The following CDH4 variants were observed in gnomAD, a reference collection of about 807,000 sequenced individuals.
CDH4 encodes the protein cadherin-4.
Under a neutral mutation model 86.0 loss-of-function variants are expected in CDH4, and 33 were observed. The ratio of observed to expected loss-of-function variants is 0.38; its 90% CI spans 0.29 to 0.51. The LOEUF is 0.51. Among genes scored for constraint, CDH4 ranks in the 20% least tolerant of loss-of-function variants. The pLI, the probability that CDH4 is intolerant of heterozygous loss-of-function variation, is 0.86. For synonymous variants in CDH4, 555 were observed against 549.4 expected (o/e 1.01, Z -0.14); for missense variants, 1,114 against 1,307.4 (o/e 0.85, Z 2.28).
chr20:61,818,177 A>G (rs1375870720), intron 4 of CDH4, among the ~76,000 whole-genome samples: 1 of 152,136 alleles, frequency 6.6e-6, no homozygotes, highest in Non-Finnish European at 1.5e-5. Flanking sequence ...CTATAGGTAC[A>G]CACCACTACG....
At chr20:61,591,452 G>T (rs2086518739) in intron 2 of CDH4, among the ~76,000 whole-genome samples, 1 of 151,956 alleles carries the variant, frequency 6.6e-6, no homozygotes, top group African/African-American at 2.4e-5. Flanking sequence ...GGTTCTCTGG[G>T]GTCTGCTTCT....
intron 5 of CDH4, among the ~76,000 whole-genome samples, chr20:61,848,862 G>C (rs1443588649): frequency 6.6e-6 from 1 of 152,140 alleles, no homozygotes; most frequent in Non-Finnish European, 1.5e-5. Flanking sequence ...CAGCCCTGAG[G>C]CTTCATGGTT....
intron 2 of CDH4, among the ~76,000 whole-genome samples, chr20:61,669,181 G>A (rs1260943658): frequency 6.6e-6 from 1 of 152,244 alleles, no homozygotes; most frequent in Non-Finnish European, 1.5e-5. Context: ...GGCATTCAGA[G>A]CACTATGGGA....
Position 61,663,956 on chromosome 20 carries a change from G to A in CDH4, c.170-79607G>A, listed in dbSNP as rs543632766. Among the ~76,000 whole-genome samples the A allele has an allele frequency of 8.5e-5, 13 of 152,322 alleles. No individual in the cohort carries two copies. Among genetic ancestry groups the A allele is most frequent in the East Asian group, 7.7e-4 (4 of 5,174 alleles). On this transcript the variant is annotated intron_variant, in intron 2 of 15. Transcript: ENST00000614565. This position sits in a 1 kb window ranked among gnomAD's most constrained non-coding sequence, Gnocchi z 5.0. ...TGTCCTCTGTCCAGCACCGGTCCAC[G>A]TTGAGGTGTCTGTGTGCCACCGGGA...
In CDH4 at chr20:61,579,979, C is replaced by A. The variant is rs2086413313; in HGVS notation, c.170-163584C>A. Among the ~76,000 whole-genome samples the A allele has an allele frequency of 2.0e-5, 3 of 152,178 alleles. No homozygotes were observed. In the South Asian group the frequency reaches 6.2e-4, roughly 32 times the overall value. On this transcript the variant is annotated intron_variant, in intron 2 of 15. Transcript: ENST00000614565. Reference sequence around the variant, plus strand: ...AAAAGCTGTAAAATAAACATCTGTGCACTTGAGGCGCATCCAGCACCTTCC... The same window carrying A: ...AAAAGCTGTAAAATAAACATCTGTGAACTTGAGGCGCATCCAGCACCTTCC...
intron 2 of CDH4, among the ~76,000 whole-genome samples, chr20:61,577,811 A>C (rs1459754736): frequency 6.6e-6 from 1 of 152,162 alleles, no homozygotes; most frequent in Non-Finnish European, 1.5e-5. Flanking sequence ...GCTCAATACC[A>C]AGACTATGTC....
chr20:61,461,604 G>T (rs1386021646), intron 2 of CDH4, among the ~76,000 whole-genome samples: 1 of 152,124 alleles, frequency 6.6e-6, no homozygotes, highest in Non-Finnish European at 1.5e-5. Context: ...ACGTGGGAGT[G>T]GGAGGGGAGG....
chr20:61,486,613 A>G (rs1416435975), intron 2 of CDH4, among the ~76,000 whole-genome samples: 1 of 152,236 alleles, frequency 6.6e-6, no homozygotes, highest in African/African-American at 2.4e-5. Context: ...ATTTTAGGCC[A>G]GGTACGATGG....
At chr20:61,621,210 C>T (rs1338751850) in intron 2 of CDH4, among the ~76,000 whole-genome samples, 1 of 152,126 alleles carries the variant, frequency 6.6e-6, no homozygotes, top group Admixed American at 6.5e-5. Context: ...TCCAATGGAC[C>T]GCGGTTCCGG....
intron 2 of CDH4, among the ~76,000 whole-genome samples, chr20:61,631,200 C>T (rs1364527836): frequency 1.3e-5 from 2 of 152,238 alleles, no homozygotes; most frequent in African/African-American, 4.8e-5. Flanking sequence ...GCCCCTGACT[C>T]TCCCACCGTG....
chr20:61,342,390 A>G (rs1011733564), intron 2 of CDH4, among the ~76,000 whole-genome samples: 1 of 152,186 alleles, frequency 6.6e-6, no homozygotes, highest in African/African-American at 2.4e-5. Flanking sequence ...TCCCATCTGG[A>G]GGTGATGGGA....
At position 61,684,939 on chromosome 20, in the gene CDH4, A is replaced by G. The variant is rs1568754495; in HGVS notation, c.170-58624A>G. On this transcript the variant is annotated intron_variant, in intron 2 of 15. Transcript: ENST00000614565. The surrounding 1 kb of genome is among the most constrained non-coding windows in gnomAD (Gnocchi z 4.5). ...TGAAATTCCCCTGTTTAAAGTGTAC[A>G]ATTCAATGGTCCTTAGTCAATTCAG... 7.2e-5 allele frequency among the ~76,000 whole-genome samples: 11 copies of G among 152,224 alleles called. No individual in the cohort carries two copies. Among genetic ancestry groups the G allele is most frequent in the Admixed American group, 6.5e-4 (10 of 15,288 alleles).
chr20:61,509,555 A>G (rs1568870418), intron 2 of CDH4, among the ~76,000 whole-genome samples: 1 of 150,690 alleles, frequency 6.6e-6, no homozygotes, highest in East Asian at 2.0e-4. Context: ...CTTCCCAGCC[A>G]CCTAGCAGCA....
rs2087511498 is a variant in CDH4, at chr20:61,681,407, A to AT, written c.170-62154dup. On this transcript the variant is annotated intron_variant, in intron 2 of 15. Transcript: ENST00000614565. The surrounding 1 kb of genome is among the most constrained non-coding windows in gnomAD (Gnocchi z 4.5). Reference sequence around the variant, plus strand: ...ATCACCCAAAAGGTGACAAAAATGGATTAGACAATCCTTGGAACTTTATAA... The same window carrying AT: ...ATCACCCAAAAGGTGACAAAAATGGATTTAGACAATCCTTGGAACTTTATAA... Among the ~76,000 whole-genome samples, 1 of 152,206 alleles carries AT rather than the reference A, an allele frequency of 6.6e-6. No homozygotes were observed. Among genetic ancestry groups the AT allele is most frequent in the Admixed American group, 6.5e-5 (1 of 15,278 alleles).
At chr20:61,926,536 G>T (rs2055046495) in intron 11 of CDH4, among the ~76,000 whole-genome samples, 1 of 152,180 alleles carries the variant, frequency 6.6e-6, no homozygotes, top group South Asian at 2.1e-4. Context: ...CCCCTTGAGG[G>T]TCCCCTGCCG....
chr20:61,329,670 C>G (rs2084560786), intron 2 of CDH4, among the ~76,000 whole-genome samples: 1 of 100,914 alleles, frequency 9.9e-6, no homozygotes, highest in Admixed American at 1.0e-4. Flanking sequence ...CCTGGATTGT[C>G]ACTTTAAAAA....
chr20:61,850,662 G>C (rs1158950698), intron 5 of CDH4, among the ~76,000 whole-genome samples: 1 of 152,252 alleles, frequency 6.6e-6, no homozygotes, highest in African/African-American at 2.4e-5. Context: ...GATGTTGCAG[G>C]AAATGCACTC....
intron 2 of CDH4, among the ~76,000 whole-genome samples, chr20:61,273,885 G>A (rs1430962285): frequency 6.7e-6 from 1 of 149,898 alleles, no homozygotes; most frequent in Non-Finnish European, 1.5e-5. Flanking sequence ...GTGCAGTTTG[G>A]GGGAGTACCA....
chr20:61,777,394 C>T (rs555729231), intron 4 of CDH4, among the ~76,000 whole-genome samples: 42 of 152,362 alleles, frequency 2.8e-4, no homozygotes, highest in African/African-American at 9.9e-4. Context: ...CTCAGAGTCC[C>T]TGCAAGTATC....
Sources: allele counts gnomAD v4.1 joint callset (sites outside exome capture counted in the v4.1 genomes callset), GRCh38; gene constraint gnomAD v4.1.1; non-coding constraint Gnocchi (gnomAD v3.1); transcripts MANE v1.5; gene names NCBI Gene and HGNC (gene_info 2026-07-23, HGNC 2026-07-21).